Variants in SAMD4A observed in about 807,000 individuals in gnomAD.
The protein encoded by SAMD4A is sterile alpha motif domain containing 4A.
Under a neutral mutation model 81.3 loss-of-function variants are expected in SAMD4A, and 33 were observed. That is an observed-to-expected ratio of 0.41 (90% CI 0.31 to 0.54). The LOEUF (loss-of-function observed/expected upper bound fraction) is 0.54, where lower values mean the gene tolerates loss of function less well. Ranked by LOEUF, SAMD4A falls within the 20% of genes least tolerant of loss-of-function variation. The pLI is 0.37. For synonymous variants in SAMD4A, 389 were observed against 382.1 expected (o/e 1.02, Z -0.21); for missense variants, 854 against 951.1 (o/e 0.90, Z 1.34).
At chr14:54,779,909 C>T (rs905720146) in intron 11 of SAMD4A, among the ~76,000 whole-genome samples, 9 of 152,230 alleles carry the variant, frequency 5.9e-5, no homozygotes, top group Admixed American at 1.3e-4. Flanking sequence ...CGAATGGTCA[C>T]GTTCCTCATG....
chr14:54,632,745 T>G (rs2034932562), intron 2 of SAMD4A, among the ~76,000 whole-genome samples: 1 of 152,246 alleles, frequency 6.6e-6, no homozygotes, highest in African/African-American at 2.4e-5. Flanking sequence ...AATTTACCAC[T>G]TATTAGCTAT....
chr14:54,710,533 T>C (rs748119236), intron 3 of SAMD4A, among the ~76,000 whole-genome samples: 3 of 152,126 alleles, frequency 2.0e-5, no homozygotes, highest in Non-Finnish European at 4.4e-5. Context: ...TGGAAATCGA[T>C]GTTATTACTT....
intron 2 of SAMD4A, among the ~76,000 whole-genome samples, chr14:54,596,877 C>T (rs2033923391): frequency 6.6e-6 from 1 of 152,120 alleles, no homozygotes; most frequent in Admixed American, 6.5e-5. Flanking sequence ...GCAGAATATC[C>T]AGCCGGGAGA....
intron 2 of SAMD4A, among the ~76,000 whole-genome samples, chr14:54,625,782 T>C (rs890604379): frequency 1.3e-5 from 2 of 152,224 alleles, no homozygotes; most frequent in Non-Finnish European, 2.9e-5. Context: ...ACGGGGCATG[T>C]TCAGCTCATG....
At chr14:54,748,496 T>G (rs1251336613) in intron 4 of SAMD4A, among the ~76,000 whole-genome samples, 2 of 152,180 alleles carry the variant, frequency 1.3e-5, no homozygotes, top group African/African-American at 4.8e-5. Flanking sequence ...GATGGCCCTC[T>G]GCCCAGAAAA....
chr14:54,736,225 G>C (rs2037687585), intron 3 of SAMD4A, among the ~76,000 whole-genome samples: 1 of 152,188 alleles, frequency 6.6e-6, no homozygotes, highest in Admixed American at 6.5e-5. Flanking sequence ...AATTAAAGAT[G>C]GGGGCTGCGC....
chr14:54,628,884 G>C (rs925222259), intron 2 of SAMD4A, among the ~76,000 whole-genome samples: 2 of 151,958 alleles, frequency 1.3e-5, no homozygotes, highest in Non-Finnish European at 2.9e-5. Context: ...TCATAAATAG[G>C]GTGTTCAAGG....
At chr14:54,688,878 AAC>A (rs2036351639) in intron 2 of SAMD4A, among the ~76,000 whole-genome samples, 1 of 143,832 alleles carries the variant, frequency 7.0e-6, no homozygotes, top group Non-Finnish European at 1.5e-5. Context: ...GGGCTGGTTA[AAC>A]ACAGTTTTTG....
intron 8 of SAMD4A, among the ~76,000 whole-genome samples, chr14:54,766,733 C>T (rs1207126488): frequency 6.6e-6 from 1 of 152,202 alleles, no homozygotes; most frequent in Non-Finnish European, 1.5e-5. Flanking sequence ...CACGCCTGCT[C>T]TCAGCATTGA....
intron 2 of SAMD4A, among the ~76,000 whole-genome samples, chr14:54,584,259 T>G (rs1338963249): frequency 6.6e-6 from 1 of 152,212 alleles, no homozygotes; most frequent in Non-Finnish European, 1.5e-5. Flanking sequence ...CTGACTTCAT[T>G]TTTGGCACAC....
intron 2 of SAMD4A, among the ~76,000 whole-genome samples, chr14:54,685,202 A>G (rs1242405593): frequency 6.6e-6 from 1 of 151,874 alleles, no homozygotes; most frequent in African/African-American, 2.4e-5. Flanking sequence ...CACAGCTATC[A>G]ATTTCTAGAA....
intron 2 of SAMD4A, among the ~76,000 whole-genome samples, chr14:54,684,763 G>C (rs1244100764): frequency 3.3e-5 from 5 of 152,246 alleles, no homozygotes; most frequent in African/African-American, 1.2e-4. Context: ...TAGGGTGGTG[G>C]CATCTTTTTA....
chr14:54,743,994 T>C (rs1416406016), intron 4 of SAMD4A, among the ~76,000 whole-genome samples: 1 of 152,232 alleles, frequency 6.6e-6, no homozygotes, highest in Non-Finnish European at 1.5e-5. Flanking sequence ...TACCCCTCAG[T>C]TGGCTTTCCT....
intron 2 of SAMD4A, among the ~76,000 whole-genome samples, chr14:54,597,181 G>A (rs370510443): frequency 1.5e-4 from 23 of 151,446 alleles, no homozygotes; most frequent in South Asian, 4.2e-4. Context: ...TCTGCTTAGC[G>A]TGTAGGAGCT....
intron 2 of SAMD4A, among the ~76,000 whole-genome samples, chr14:54,633,403 T>C (rs1350281416): frequency 2.6e-5 from 4 of 152,200 alleles, no homozygotes; most frequent in African/African-American, 7.2e-5. Context: ...AGGATTCATA[T>C]AGACCCGATT....
chr14:54,757,310 C>A (rs148770561), intron 6 of SAMD4A, among the ~76,000 whole-genome samples: 2 of 151,604 alleles, frequency 1.3e-5, no homozygotes, highest in African/African-American at 4.8e-5. Context: ...GAAAAAAATT[C>A]TACATGATTC....
intron 11 of SAMD4A, among the ~76,000 whole-genome samples, chr14:54,776,830 G>A (rs1420208904): frequency 6.6e-6 from 1 of 151,546 alleles, no homozygotes; most frequent in Non-Finnish European, 1.5e-5. Flanking sequence ...CTTTGGTGGT[G>A]GGGAGGTGGG....
At chr14:54,632,025 A>G (rs537281680) in intron 2 of SAMD4A, among the ~76,000 whole-genome samples, 3 of 152,344 alleles carry the variant, frequency 2.0e-5, no homozygotes, top group African/African-American at 7.2e-5. Context: ...CTGTACACAC[A>G]GAGTCCCTGC....
intron 2 of SAMD4A, among the ~76,000 whole-genome samples, chr14:54,626,055 TGTGTGCGCGC>T (rs750612810): frequency 0.024 from 2,568 of 108,202 alleles, 38 homozygotes; most frequent in Middle Eastern, 0.034. Flanking sequence ...TGTGTGTGTG[TGTGTGCGCGC>T]GCGCGCGCGC....
Sources: allele counts gnomAD v4.1 joint callset (sites outside exome capture counted in the v4.1 genomes callset), GRCh38; gene constraint gnomAD v4.1.1; transcripts MANE v1.5; gene names NCBI Gene and HGNC (gene_info 2026-07-23, HGNC 2026-07-21).